Variants in MAP3K20 observed in about 807,000 individuals in gnomAD.
MAP3K20 encodes HCCS-4.
Under a neutral mutation model 85.7 loss-of-function variants are expected in MAP3K20, and 40 were observed. The observed-to-expected ratio is 0.47, with a 90% CI of 0.36 to 0.61. MAP3K20 has a LOEUF of 0.61. Among genes scored for constraint, MAP3K20 ranks in the 20% least tolerant of loss-of-function variants. The probability of loss-of-function intolerance (pLI) is 0.00; values close to 1 mark genes in which losing one functional copy is unlikely to be tolerated. For missense variants in MAP3K20, 817 were observed against 961.7 expected (o/e 0.85, Z 1.99); for synonymous variants, 325 against 327.7 (o/e 0.99, Z 0.09).
At chr2:173,126,743 G>C (rs1688456297) in intron 2 of MAP3K20, among the ~76,000 whole-genome samples, 1 of 152,104 alleles carries the variant, frequency 6.6e-6, no homozygotes, top group Admixed American at 6.5e-5. Flanking sequence ...TAGAGGGAAG[G>C]GGAGTGAGAA....
At chr2:173,202,437 C>T (rs941144520) in intron 8 of MAP3K20, among the ~76,000 whole-genome samples, 1 of 152,104 alleles carries the variant, frequency 6.6e-6, no homozygotes, top group East Asian at 1.9e-4. Flanking sequence ...ATTTGCAAAA[C>T]TTCTTTGGCA....
intron 12 of MAP3K20, among the ~76,000 whole-genome samples, chr2:173,230,116 G>A (rs1378308725): frequency 6.6e-6 from 1 of 152,176 alleles, no homozygotes; most frequent in East Asian, 1.9e-4. Context: ...ATAGGTGTGA[G>A]CCACTGTGCC....
At chr2:173,100,241 A>G (rs151083511) in intron 2 of MAP3K20, among the ~76,000 whole-genome samples, 1 of 152,338 alleles carries the variant, frequency 6.6e-6, no homozygotes, top group Non-Finnish European at 1.5e-5. Context: ...AAGTACTGCT[A>G]CCACTGTGAG....
chr2:173,129,649 T>C (rs1338562167), intron 2 of MAP3K20, among the ~76,000 whole-genome samples: 3 of 152,238 alleles, frequency 2.0e-5, no homozygotes, highest in Admixed American at 1.3e-4. Context: ...TAGATAGGTC[T>C]TGTGTTTGTA....
At chr2:173,166,725 T>A (rs1224589018) in intron 2 of MAP3K20, 1 of 152,208 alleles carries the variant, frequency 6.6e-6, no homozygotes, top group Non-Finnish European at 1.5e-5. Flanking sequence ...GATGGACCAT[T>A]ATTTTAGCTT....
intron 3 of MAP3K20, among the ~76,000 whole-genome samples, chr2:173,176,591 T>C (rs1254865351): frequency 6.6e-6 from 1 of 152,070 alleles, no homozygotes; most frequent in Non-Finnish European, 1.5e-5. Context: ...ATTTAAATGA[T>C]AGATTAAAAT....
chr2:173,118,029 A>G (rs923858471), intron 2 of MAP3K20, among the ~76,000 whole-genome samples: 1 of 152,178 alleles, frequency 6.6e-6, no homozygotes, highest in African/African-American at 2.4e-5. Flanking sequence ...TCTGTTCTTT[A>G]TACAGTTGTA....
At position 173,198,024 on chromosome 2, in the gene MAP3K20, A is replaced by G; in HGVS notation, c.583-2A>G. On this transcript the variant is annotated splice_acceptor_variant, in intron 7 of 19. Transcript: ENST00000375213. LOFTEE classifies it high-confidence loss of function. This position sits in a 1 kb window ranked among gnomAD's most constrained non-coding sequence, Gnocchi z 5.8. The stretch of plus-strand genomic sequence containing the variant: ...AAAAATTCCATTTTCTTTTTGTTCC[A>G]GGTTCTCTGGGAGATGCTAACAAGG... 6.2e-7 allele frequency: 1 copy of G among 1,609,734 alleles called. No homozygotes were observed.
chr2:173,238,023 G>C (rs1684694169), intron 14 of MAP3K20, among the ~76,000 whole-genome samples: 1 of 152,116 alleles, frequency 6.6e-6, no homozygotes, highest in Non-Finnish European at 1.5e-5. Flanking sequence ...GTGGTGGTGT[G>C]TGCCTGAGTC....
chr2:173,184,303 A>G (rs1341781495), intron 4 of MAP3K20, among the ~76,000 whole-genome samples: 2 of 152,130 alleles, frequency 1.3e-5, no homozygotes, highest in Admixed American at 1.3e-4. Flanking sequence ...ACAGCACATC[A>G]CCTTACACAC....
chr2:173,167,985 CACAA>C (rs1486205738), intron 2 of MAP3K20, among the ~76,000 whole-genome samples: 1 of 152,098 alleles, frequency 6.6e-6, no homozygotes, highest in East Asian at 1.9e-4. Flanking sequence ...ATGCTTTATT[CACAA>C]ACAGTTGGTC....
intron 2 of MAP3K20, among the ~76,000 whole-genome samples, chr2:173,141,179 TA>T (rs1239487052): frequency 1.4e-5 from 2 of 144,206 alleles, no homozygotes; most frequent in African/African-American, 5.2e-5. Flanking sequence ...ATTTAAATAA[TA>T]TTTGTTTACT....
chr2:173,242,316 C>T (rs989016170), intron 16 of MAP3K20, among the ~76,000 whole-genome samples: 8 of 151,842 alleles, frequency 5.3e-5, no homozygotes, highest in Middle Eastern at 6.9e-3. Flanking sequence ...ATTACAGTCG[C>T]GTGCCAACAC....
At chr2:173,104,084 T>C (rs2106163929) in intron 2 of MAP3K20, among the ~76,000 whole-genome samples, 1 of 152,314 alleles carries the variant, frequency 6.6e-6, no homozygotes, top group Admixed American at 6.5e-5. Flanking sequence ...ATAAGACCTA[T>C]ACCTGCCAGG....
intron 11 of MAP3K20, among the ~76,000 whole-genome samples, chr2:173,218,575 A>G (rs554479845): frequency 6.6e-6 from 1 of 152,338 alleles, no homozygotes; most frequent in Non-Finnish European, 1.5e-5. Flanking sequence ...TGCTTCTCCC[A>G]GAGCTCATGA....
At chr2:173,113,137 A>C (rs1259960729) in intron 2 of MAP3K20, among the ~76,000 whole-genome samples, 1 of 151,800 alleles carries the variant, frequency 6.6e-6, no homozygotes, top group African/African-American at 2.4e-5. Flanking sequence ...GGAGGGTTGT[A>C]TTTTTCCAGG....
intron 2 of MAP3K20, among the ~76,000 whole-genome samples, chr2:173,143,863 C>G (rs1689047004): frequency 6.6e-6 from 1 of 152,106 alleles, no homozygotes; most frequent in Admixed American, 6.5e-5. Context: ...TATATACTAG[C>G]AGCAAAGATT....
At chr2:173,102,633 A>C (rs934445792) in intron 2 of MAP3K20, among the ~76,000 whole-genome samples, 1 of 152,224 alleles carries the variant, frequency 6.6e-6, no homozygotes, top group East Asian at 1.9e-4. Flanking sequence ...TTAGAGAAGC[A>C]GCACTGGTAA....
intron 2 of MAP3K20, among the ~76,000 whole-genome samples, chr2:173,125,709 C>T (rs1280501408): frequency 6.6e-6 from 1 of 152,088 alleles, no homozygotes; most frequent in Non-Finnish European, 1.5e-5. Context: ...GTCGCCCAGG[C>T]TGGAGTGCAG....
Sources: gnomAD v4.1 joint callset for allele counts (sites outside exome capture counted in the v4.1 genomes callset) on GRCh38, gnomAD v4.1.1 for gene constraint, Gnocchi (gnomAD v3.1) non-coding constraint, MANE v1.5 for transcripts, NCBI Gene and HGNC (gene_info 2026-07-23, HGNC 2026-07-21) for gene names.